The following FASN variants were observed in gnomAD, a reference collection of about 807,000 sequenced individuals.
FASN encodes the protein 3-hydroxyacyl-[acyl-carrier-protein] dehydratase.
A neutral mutation model predicts 250.0 loss-of-function variants in FASN; 50 were observed. The observed-to-expected ratio is 0.20, with a 90% CI of 0.16 to 0.25. The LOEUF (loss-of-function observed/expected upper bound fraction) is 0.25, where lower values mean the gene tolerates loss of function less well. Ranked by LOEUF, FASN falls within the 10% of genes least tolerant of loss-of-function variation. FASN has a pLI of 1.00. For missense variants in FASN, 3,031 were observed against 3,498.5 expected (o/e 0.87, Z 3.37); for synonymous variants, 1,909 against 1,584.0 (o/e 1.21, Z -4.87).
intron 19 of FASN, 65 bp downstream of exon 19, chr17:82,087,620 C>G: frequency 2.5e-6 from 4 of 1,602,324 alleles, no homozygotes; most frequent in Non-Finnish European, 3.4e-6. Flanking sequence ...TGGGTGCCCT[C>G]TGTGGTCCCC....
chr17:82,080,152 C>T lies in FASN; in HGVS notation c.7134G>A (p.Met2378Ile). Reference protein sequence around the residue: ...ICFFVQQFTDMEHNRVLEALL... With the variant: ...ICFFVQQFTDIEHNRVLEALL... ...GTCCAGGACCCACCCTGTTGTGCTC[C>T]ATGTCCGTGAACTGCTGCACGAAGA... is the stretch of plus-strand genomic sequence containing the variant. The change falls in exon 41 of 43, where the codon ATG becomes ATA. Residue 2378 changes from methionine (M) to isoleucine (I), a missense_variant. Met to Ile is a conservative substitution (Grantham distance 10). Transcript: ENST00000306749. The T allele has an allele frequency of 6.2e-7, 1 of 1,613,208 alleles. No individual in the cohort carries two copies. Among genetic ancestry groups the T allele is most frequent in the Non-Finnish European group, 8.5e-7 (1 of 1,180,016 alleles).
At position 82,092,439 on chromosome 17, in the gene FASN, G is replaced by A. The variant is rs1344052953; in HGVS notation, c.1029+16C>T. 2 of 1,559,442 alleles carry A rather than the reference G, an allele frequency of 1.3e-6. No individual in the cohort carries two copies. The highest frequency in any genetic ancestry group is 1.7e-6 in the Non-Finnish European group (2 of 1,155,210). On this transcript the variant is annotated intron_variant, in intron 8 of 42. Coordinates refer to ENST00000306749, the MANE Select transcript of FASN (RefSeq NM_004104.5). ...GAGCAGGAGCCTGAGGGACCCCCAA[G>A]CCCAGCCCCACCTACCTTGGCCAGG...
chr17:82,094,633 A>G (rs1270030857), intron 3 of FASN, among the ~76,000 whole-genome samples: 1 of 151,612 alleles, frequency 6.6e-6, no homozygotes, highest in Non-Finnish European at 1.5e-5. Context: ...TACTAAAAAT[A>G]CAAAAATTAG....
chr17:82,078,752 C>T lies in FASN; in HGVS notation c.*391G>A. The T allele has an allele frequency of 3.0e-6, 1 of 330,624 alleles. No homozygotes were observed. The highest frequency in any genetic ancestry group is 5.8e-6 in the Non-Finnish European group (1 of 171,084). The allele number at this position is 330,624 out of a possible 1,614,324, so 20.5% of individuals were successfully genotyped here. ...GGAAATGGGGGCAGAGTGCGGGACC[C>T]ACACGCTGCCTGAGGAGTCTTGGCA... On this transcript the variant is annotated 3_prime_UTR_variant, in exon 43 of 43. Transcript: ENST00000306749. This position sits in a 1 kb window ranked among gnomAD's most constrained non-coding sequence, Gnocchi z 5.4.
At chr17:82,094,257 G>A (rs531263358) in intron 3 of FASN, 42 of 254,266 alleles carry the variant, frequency 1.7e-4, no homozygotes, top group African/African-American at 8.7e-4. Flanking sequence ...GGGAAGGAGA[G>A]AGGGACACCG....
chr17:82,080,529 C>T lies in FASN; in HGVS notation c.6888G>A (p.Val2296=), dbSNP rs1448988976. ...AAYYIDCIRQ[V]QPEGPYRVAG... is the part of the protein sequence containing the mutation. The stretch of plus-strand genomic sequence containing the variant: ...CCACGCGGTAGGGGCCCTCGGGCTG[C>T]ACCTGCCTGATGCAGTCGATGTAGT... Residue 2296 remains valine (V), a synonymous_variant, in exon 40 of 43, where the codon GTG becomes GTA. Transcript: ENST00000306749. 1.9e-6 allele frequency: 3 copies of T among 1,561,360 alleles called. No homozygotes were observed. The highest frequency in any genetic ancestry group is 2.7e-5 in the African/African-American group (2 of 73,694).
Position 82,091,438 on chromosome 17 carries a change from C to G in FASN, c.1276G>C (p.Ala426Pro), listed in dbSNP as rs777981730. The part of the protein sequence containing the change: ...PHATLPRLLR[A>P]SGRTPEAVQK... ...ACGGCCTCAGGGGTGCGTCCGCTGG[C>G]CCGCAGCAGACGGGGCAGGGTGGCA... Residue 426 changes from alanine (A) to proline (P), a missense_variant, in exon 9 of 43, where the codon GCC (alanine) becomes CCC (proline). Physicochemically the swap from Ala to Pro is conservative, Grantham distance 27 (BLOSUM62 -1). Coordinates refer to ENST00000306749, the MANE Select transcript of FASN (RefSeq NM_004104.5). The G allele has an allele frequency of 6.2e-7, 1 of 1,607,652 alleles. No homozygotes were observed. The highest frequency in any genetic ancestry group is 1.3e-5 in the African/African-American group (1 of 74,854).
rs772664755 is a variant in FASN at position 82,080,750 on chromosome 17, C to T, written c.6768G>A (p.Val2256=). 3 of 1,604,128 alleles carry T rather than the reference C, an allele frequency of 1.9e-6. No homozygotes were observed. The highest frequency in any genetic ancestry group is 2.5e-6 in the Non-Finnish European group (3 of 1,176,568). Residue 2256 remains valine (V), a synonymous_variant, in exon 39 of 43, where the codon GTG becomes GTA. Transcript: ENST00000306749. ...TGAGCCGGGAGGCCAGGCTGTGGAA[C>T]ACGGTGGTGGAGCCCTCGATTGGGT... is the stretch of plus-strand genomic sequence containing the variant. The part of the protein sequence containing the change: ...LVHPIEGSTT[V]FHSLASRLSI...
rs1140613 is a variant in FASN at position 82,085,333 on chromosome 17, A to C, written c.4192T>G (p.Ser1398Ala). The change falls in exon 24 of 43, where the codon TCC (serine) becomes GCC (alanine). Residue 1398 changes from serine (S) to alanine (A), a missense_variant. Transcript: ENST00000306749. ...LVGLKKSFYG[S>A]TLFLCRRPTP... The stretch of plus-strand genomic sequence containing the variant: ...GGCCGGCGGCACAGGAAGAGCGTGG[A>C]GCCGTAGAAGGACTTCTTCAGGCCC... 2.9e-5 allele frequency: 47 copies of C among 1,611,458 alleles called. No homozygotes were observed. The African/African-American group carries it at 6.0e-4, about 21-fold the overall frequency.
At position 82,083,319 on chromosome 17, in the gene FASN, G is replaced by C. The variant is rs972793940; in HGVS notation, c.5448C>G (p.Ala1816=). The change falls in exon 32 of 43, where the codon GCC becomes GCG. Residue 1816 remains alanine, a synonymous_variant. Transcript: ENST00000306749. ...DWREVWALVQ[A]GIRDGVVRPL... is the part of the protein sequence containing the mutation. ...GCCGTACCACCCCATCCCGGATGCC[G>C]GCCTGCACAAGCGCCCACACCTCCC... 3.7e-6 allele frequency: 6 copies of C among 1,612,700 alleles called. No individual in the cohort carries two copies. The highest frequency in any genetic ancestry group is 5.1e-6 in the Non-Finnish European group (6 of 1,179,986).
intron 21 of FASN, 117 bp from the exon 22 acceptor site, chr17:82,086,675 G>A (rs1338351447): frequency 7.5e-6 from 6 of 805,278 alleles, no homozygotes; most frequent in Admixed American, 2.0e-5. Flanking sequence ...CCCACAGGAT[G>A]AGAAATAGCT....
At position 82,082,947 on chromosome 17, in the gene FASN, G is replaced by A. The variant is rs2034017583; in HGVS notation, c.5734C>T (p.Leu1912Phe). 6.2e-7 allele frequency: 1 copy of A among 1,612,838 alleles called. No individual in the cohort carries two copies. The highest frequency in any genetic ancestry group is 2.2e-5 in the East Asian group (1 of 44,884). The change falls in exon 33 of 43, where the codon CTC becomes TTC. Residue 1912 changes from leucine to phenylalanine, a missense_variant. By Grantham distance (22) the Leu-to-Phe change is conservative. Transcript: ENST00000306749. ...QWLIQRGVQK[L>F]VLTSRSGIRT... ...ATCCCGGAGCGAGAAGTCAACACGA[G>A]CTTCTGCACCCCACGCTGTATCAGC...
In FASN at chr17:82,090,652, C is replaced by T. The variant is rs115168645; in HGVS notation, c.1681-88G>A. 3.0e-3 allele frequency: 3,881 copies of T among 1,282,224 alleles called. 115 individuals are homozygous for T. The African/African-American group carries it at 0.053, about 17-fold the overall frequency. The allele number at this position is 1,282,224 out of a possible 1,614,324, so 79.4% of individuals were successfully genotyped here. On this transcript the variant is annotated intron_variant, in intron 10 of 42. Transcript: ENST00000306749. ...CCCGGCCCCACTAGGCCATCTCCAC[C>T]CCCGCGCCCCATCGACCCTCCCAGG...
At chr17:82,081,529 C>A in intron 37 of FASN, 72 bp downstream of exon 37, 1 of 1,602,004 alleles carries the variant, frequency 6.2e-7, no homozygotes, top group Non-Finnish European at 8.5e-7. Flanking sequence ...CACAGGGGCA[C>A]GACTGCTATG....
At chr17:82,091,791 G>A (rs2034214875) in intron 8 of FASN, 107 bp from the exon 9 acceptor site, 2 of 1,053,098 alleles carry the variant, frequency 1.9e-6, no homozygotes, top group Non-Finnish European at 2.7e-6. Context: ...GGGTTCCAGG[G>A]CCCTCTCCGA....
chr17:82,090,256 C>G, intron 11 of FASN, 119 bp downstream of exon 11: 1 of 1,018,440 alleles, frequency 9.8e-7, no homozygotes. Flanking sequence ...TGGGTGTCCC[C>G]GGGCCAGCGG....
intron 11 of FASN, 90 bp downstream of exon 11, chr17:82,090,285 G>GGGGCC: frequency 7.4e-7 from 1 of 1,349,916 alleles, no homozygotes; most frequent in Admixed American, 2.1e-5. Flanking sequence ...CTATCCTACG[G>GGGGCC]GGGCCAGGCC....
chr17:82,093,137 A>C (rs2034243015), intron 5 of FASN, 82 bp downstream of exon 5: 1 of 1,543,880 alleles, frequency 6.5e-7, no homozygotes, highest in Admixed American at 1.9e-5. Flanking sequence ...AGCTGGCAGG[A>C]TCCTGCTCAG....
intron 35 of FASN, 37 bp from the exon 36 acceptor site, chr17:82,082,197 C>T (rs2034001242): frequency 1.2e-6 from 2 of 1,600,876 alleles, no homozygotes; most frequent in Non-Finnish European, 1.7e-6. Context: ...TGGCCAGCAT[C>T]CCCAGGAGCC....
Sources: gnomAD v4.1 joint callset for allele counts (sites outside exome capture counted in the v4.1 genomes callset) on GRCh38, gnomAD v4.1.1 for gene constraint, Gnocchi (gnomAD v3.1) non-coding constraint, MANE v1.5 for transcripts, NCBI Gene and HGNC (gene_info 2026-07-23, HGNC 2026-07-21) for gene names.